Variants in MAML2 observed in about 807,000 individuals in gnomAD.
MAML2 encodes mastermind-like protein 2.
MAML2 carries 22 observed loss-of-function variants against 96.1 expected under a neutral mutation model. The observed-to-expected ratio is 0.23, with a 90% CI of 0.16 to 0.33. The LOEUF (loss-of-function observed/expected upper bound fraction) is 0.33. Among genes scored for constraint, MAML2 ranks in the 10% least tolerant of loss-of-function variants. The pLI is 1.00. For missense variants in MAML2, 1,367 were observed against 1,392.4 expected (o/e 0.98, Z 0.29); for synonymous variants, 561 against 521.3 (o/e 1.08, Z -1.04).
intron 1 of MAML2, among the ~76,000 whole-genome samples, chr11:96,250,763 T>C (rs934087267): frequency 6.6e-6 from 1 of 152,200 alleles, no homozygotes; most frequent in African/African-American, 2.4e-5. Context: ...ACAGACTAAA[T>C]AGGGAGGCTT....
chr11:96,318,768 G>A (rs948513644), intron 1 of MAML2, among the ~76,000 whole-genome samples: 1 of 152,170 alleles, frequency 6.6e-6, no homozygotes, highest in African/African-American at 2.4e-5. Flanking sequence ...TCAGTATATA[G>A]GGGACATTCA....
chr11:96,017,126 A>G (rs1858366268), intron 2 of MAML2, among the ~76,000 whole-genome samples: 1 of 152,186 alleles, frequency 6.6e-6, no homozygotes, highest in Non-Finnish European at 1.5e-5. Context: ...TAATCTTTAC[A>G]ACATTCTTTT....
intron 2 of MAML2, among the ~76,000 whole-genome samples, chr11:96,089,535 T>C (rs967939768): frequency 6.6e-6 from 1 of 152,256 alleles, no homozygotes; most frequent in African/African-American, 2.4e-5. Flanking sequence ...AAATGTGCTA[T>C]AAGCCCTAGA....
intron 1 of MAML2, among the ~76,000 whole-genome samples, chr11:96,122,871 G>T (rs1312995340): frequency 6.6e-6 from 1 of 152,218 alleles, no homozygotes; most frequent in Non-Finnish European, 1.5e-5. Context: ...TATGCATAGT[G>T]AATATCCTTT....
chr11:96,243,675 A>T (rs1209956611), intron 1 of MAML2, among the ~76,000 whole-genome samples: 4 of 131,554 alleles, frequency 3.0e-5, no homozygotes, highest in African/African-American at 1.2e-4. Context: ...TTTTTTTGAG[A>T]CGGAGTCTCG....
intron 2 of MAML2, among the ~76,000 whole-genome samples, chr11:96,090,637 T>C (rs1859688372): frequency 6.6e-6 from 1 of 152,212 alleles, no homozygotes; most frequent in Non-Finnish European, 1.5e-5. Flanking sequence ...TATGTGTGTA[T>C]ATATATGTCT....
intron 1 of MAML2, among the ~76,000 whole-genome samples, chr11:96,271,510 T>C (rs1188031630): frequency 6.6e-6 from 1 of 152,180 alleles, no homozygotes; most frequent in Admixed American, 6.5e-5. Context: ...TGGGAAGTAA[T>C]TGAATCATGG....
intron 1 of MAML2, among the ~76,000 whole-genome samples, chr11:96,329,204 C>T (rs1364601652): frequency 6.6e-6 from 1 of 152,080 alleles, no homozygotes; most frequent in Non-Finnish European, 1.5e-5. Flanking sequence ...TCAGTACTCT[C>T]TCTAAAAATA....
intron 1 of MAML2, among the ~76,000 whole-genome samples, chr11:96,334,958 C>T (rs530808352): frequency 4.8e-4 from 73 of 152,320 alleles, no homozygotes; most frequent in African/African-American, 1.7e-3. Context: ...AGTGGAATAG[C>T]TTTTGCTCTT....
chr11:96,335,076 T>C (rs918559847), intron 1 of MAML2, among the ~76,000 whole-genome samples: 6 of 152,218 alleles, frequency 3.9e-5, no homozygotes, highest in African/African-American at 9.6e-5. Flanking sequence ...AGGAGGGAGA[T>C]GTTGGCTTTT....
intron 2 of MAML2, among the ~76,000 whole-genome samples, chr11:96,055,961 C>G (rs1366431342): frequency 6.6e-6 from 1 of 152,080 alleles, no homozygotes; most frequent in Non-Finnish European, 1.5e-5. Flanking sequence ...AGCATTATAA[C>G]CTTTTTTTTA....
intron 2 of MAML2, among the ~76,000 whole-genome samples, chr11:96,047,639 G>A (rs550647099): frequency 1.2e-4 from 18 of 152,162 alleles, no homozygotes; most frequent in Middle Eastern, 6.8e-3. Flanking sequence ...GGCCGGGCGC[G>A]GTGGCTCATG....
At position 96,275,100 on chromosome 11, in the gene MAML2, A is replaced by G. The variant is rs558314582; in HGVS notation, c.513+66283T>C. ...TCATAATATATTTAATAAATTCCCT[A>G]TGGGTGGACATTTAGGTTACTTGCC... On this transcript the variant is annotated intron_variant, in intron 1 of 4. Coordinates refer to ENST00000524717, the MANE Select transcript of MAML2 (RefSeq NM_032427.4). Among the ~76,000 whole-genome samples the G allele has an allele frequency of 5.9e-5, 9 of 152,182 alleles. No individual in the cohort carries two copies. The South Asian group carries it at 1.2e-3, about 21-fold the overall frequency.
At chr11:96,332,268 A>G (rs896093179) in intron 1 of MAML2, among the ~76,000 whole-genome samples, 1 of 152,200 alleles carries the variant, frequency 6.6e-6, no homozygotes, top group African/African-American at 2.4e-5. Flanking sequence ...CAGATCGGAG[A>G]GGTGAAAGGG....
chr11:96,261,930 G>A (rs576794766), intron 1 of MAML2, among the ~76,000 whole-genome samples: 3 of 152,260 alleles, frequency 2.0e-5, no homozygotes, highest in Non-Finnish European at 2.9e-5. Context: ...ATTTGTATTT[G>A]ATACGGTCAG....
chr11:96,289,706 G>A (rs1863184347), intron 1 of MAML2, among the ~76,000 whole-genome samples: 1 of 152,144 alleles, frequency 6.6e-6, no homozygotes, highest in African/African-American at 2.4e-5. Context: ...GTAGAATAGA[G>A]TAGTATGATT....
Position 96,044,721 on chromosome 11 carries a change from G to A in MAML2, c.2139+47171C>T, listed in dbSNP as rs546742838. Among the ~76,000 whole-genome samples the A allele has an allele frequency of 2.4e-4, 37 of 152,298 alleles. 1 individual carries two copies. In the South Asian group the frequency reaches 5.8e-3, roughly 24 times the overall value. On this transcript the variant is annotated intron_variant, in intron 2 of 4. Transcript: ENST00000524717. Reference sequence around the variant, plus strand: ...GCTGAAGTGAATCAAGAGAAAAAGAGGTCCATTGGCAAGTTTTTCTGACTG... The same window carrying A: ...GCTGAAGTGAATCAAGAGAAAAAGAAGTCCATTGGCAAGTTTTTCTGACTG...
chr11:96,276,104 C>T (rs1862984876), intron 1 of MAML2, among the ~76,000 whole-genome samples: 1 of 152,154 alleles, frequency 6.6e-6, no homozygotes, highest in Non-Finnish European at 1.5e-5. Flanking sequence ...AAAACAGGTA[C>T]AGAATCTATA....
chr11:96,069,688 A>C, intron 2 of MAML2, among the ~76,000 whole-genome samples: 1 of 152,140 alleles, frequency 6.6e-6, no homozygotes, highest in Middle Eastern at 3.4e-3. Context: ...AAAATAAATG[A>C]ATAAATAATA....
Sources: allele counts gnomAD v4.1 joint callset (sites outside exome capture counted in the v4.1 genomes callset), GRCh38; gene constraint gnomAD v4.1.1; transcripts MANE v1.5; gene names NCBI Gene and HGNC (gene_info 2026-07-23, HGNC 2026-07-21).